HSBP1: variants seen among roughly 807,000 people sequenced by gnomAD.
HSBP1 encodes heat shock factor binding protein 1, also known as heat shock factor-binding protein 1.
In HSBP1, 5 loss-of-function variants were observed where a neutral mutation model predicts 9.6. The observed-to-expected ratio is 0.52, with a 90% CI of 0.27 to 1.09. The LOEUF (loss-of-function observed/expected upper bound fraction) is 1.09, where lower values mean the gene tolerates loss of function less well. Ranked by LOEUF, HSBP1 falls within the 50% of genes least tolerant of loss-of-function variation. The pLI, the probability that HSBP1 is intolerant of heterozygous loss-of-function variation, is 0.11. For synonymous variants in HSBP1, 42 were observed against 33.3 expected, an observed-to-expected ratio of 1.26 and a Z score of -0.90; for missense variants, 121 against 96.3, an observed-to-expected ratio of 1.26 and a Z score of -1.07.
chr16:83,808,209 G>T, intron 1 of HSBP1, 88 bp downstream of exon 1: 1 of 1,136,282 alleles, frequency 8.8e-7, no homozygotes, highest in Non-Finnish European at 1.2e-6. Context: ...GCCCACCGCG[G>T]CCGCGCGTGG....
At position 83,811,739 on chromosome 16, in the gene HSBP1, C is replaced by T. The variant is rs1315741948; in HGVS notation, c.*321C>T. The T allele has an allele frequency of 6.6e-6, 1 of 152,070 alleles. No homozygotes were observed. Among genetic ancestry groups the T allele is most frequent in the Non-Finnish European group, 1.5e-5 (1 of 68,026 alleles). 9.4% of individuals were successfully genotyped at this position (152,070 alleles called of 1,614,324 possible). The stretch of plus-strand genomic sequence containing the variant: ...CTTGTCATTCCTTTTGTAGTAGTTG[C>T]TGTTTGGATAAAAGTTGATGTGTGA... On this transcript the variant is annotated 3_prime_UTR_variant, in exon 4 of 4. Coordinates refer to ENST00000433866, the MANE Select transcript of HSBP1 (RefSeq NM_001537.4).
chr16:83,811,713 T>C lies in HSBP1; in HGVS notation c.*295T>C, dbSNP rs956200558. ...TGTATTTCTGTGAAGTCATTTTTTT[T>C]CTTGTCATTCCTTTTGTAGTAGTTG... On this transcript the variant is annotated 3_prime_UTR_variant, in exon 4 of 4. Transcript: ENST00000433866. 2 of 152,242 alleles carry C rather than the reference T, an allele frequency of 1.3e-5. No homozygotes were observed. The highest frequency in any genetic ancestry group is 2.4e-5 in the African/African-American group (1 of 41,468). The allele number at this position is 152,242 out of a possible 1,614,324, so 9.4% of individuals were successfully genotyped here. A position where few individuals can be genotyped will look rare whatever the true frequency, so the allele number is the denominator to read the frequency against.
Position 83,814,617 on chromosome 16 carries a change from A to G in HSBP1, c.*3199A>G, listed in dbSNP as rs1338638114. 1 of 152,244 alleles carries G rather than the reference A, an allele frequency of 6.6e-6. No individual in the cohort carries two copies. The highest frequency in any genetic ancestry group is 1.5e-5 in the Non-Finnish European group (1 of 68,054). 9.4% of individuals were successfully genotyped at this position (152,244 alleles called of 1,614,324 possible). ...AGGCTGTCTGGAAATCATCAGCCCCACTGGCTGGATCTCAAAATTTACTTT... is the reference window on the plus strand; with the variant it reads ...AGGCTGTCTGGAAATCATCAGCCCCGCTGGCTGGATCTCAAAATTTACTTT... On this transcript the variant is annotated 3_prime_UTR_variant, in exon 4 of 4. Transcript: ENST00000433866.
At chr16:83,809,744 A>G (rs1256992007) in intron 3 of HSBP1, among the ~76,000 whole-genome samples, 1 of 151,684 alleles carries the variant, frequency 6.6e-6, no homozygotes, top group Non-Finnish European at 1.5e-5. Context: ...CTGGGATTAC[A>G]GGTGTGAGCC....
rs772269557 is a variant in HSBP1 at position 83,808,030 on chromosome 16, T to C, written c.-47T>C. ...GGGCGACTGAGCGGACAAACGGAAGTGTAGGTTACGGTCTGAGACATCACC... is the reference window on the plus strand; with the variant it reads ...GGGCGACTGAGCGGACAAACGGAAGCGTAGGTTACGGTCTGAGACATCACC... On this transcript the variant is annotated 5_prime_UTR_variant, in exon 1 of 4. Transcript: ENST00000433866. The C allele has an allele frequency of 6.7e-7, 1 of 1,482,576 alleles. No homozygotes were observed. Among genetic ancestry groups the C allele is most frequent in the South Asian group, 1.3e-5 (1 of 78,394 alleles). The allele number at this position is 1,482,576 out of a possible 1,614,324, so 91.8% of individuals were successfully genotyped here.
chr16:83,810,598 G>A (rs1904579491), intron 3 of HSBP1, among the ~76,000 whole-genome samples: 2 of 147,744 alleles, frequency 1.4e-5, no homozygotes, highest in South Asian at 4.3e-4. Context: ...GGGAGGCAAA[G>A]GCAGGCAGAG....
intron 1 of HSBP1, 42 bp from the exon 2 acceptor site, chr16:83,808,638 G>C: frequency 6.5e-7 from 1 of 1,535,676 alleles, no homozygotes; most frequent in South Asian, 1.1e-5. Context: ...AGTTGTCTCA[G>C]GATCGATGTG....
At chr16:83,810,953 G>C (rs1285195929) in intron 3 of HSBP1, among the ~76,000 whole-genome samples, 1 of 152,220 alleles carries the variant, frequency 6.6e-6, no homozygotes, top group Non-Finnish European at 1.5e-5. Flanking sequence ...GATTTGGGAT[G>C]TTGAAGACAG....
chr16:83,808,388 C>A (rs776784072), intron 1 of HSBP1: 27 of 556,182 alleles, frequency 4.9e-5, no homozygotes, highest in Non-Finnish European at 8.5e-5. Context: ...CTCCCGCCTA[C>A]CTCTGACACC....
intron 3 of HSBP1, among the ~76,000 whole-genome samples, chr16:83,811,204 A>C (rs981624577): frequency 5.9e-5 from 9 of 152,230 alleles, no homozygotes; most frequent in African/African-American, 1.9e-4. Context: ...CTGGCTAGTG[A>C]TGGGGGTCAT....
In HSBP1 at chr16:83,812,247, A is replaced by G. The variant is rs1467825292; in HGVS notation, c.*829A>G. The G allele has an allele frequency of 1.7e-4, 26 of 152,660 alleles. No homozygotes were observed. Among genetic ancestry groups the G allele is most frequent in the Admixed American group, 1.7e-3 (26 of 15,284 alleles). The allele number at this position is 152,660 out of a possible 1,614,324, so 9.5% of individuals were successfully genotyped here. A position where few individuals can be genotyped will look rare whatever the true frequency, so the allele number is the denominator to read the frequency against. On this transcript the variant is annotated 3_prime_UTR_variant, in exon 4 of 4. Coordinates refer to ENST00000433866, the MANE Select transcript of HSBP1 (RefSeq NM_001537.4). The stretch of plus-strand genomic sequence containing the variant: ...CTTTGAGCTAGTGACTTGAAAAGAA[A>G]GAGAGAAGGAAAAGAGACCATATTA...
At chr16:83,808,161 C>G (rs749794680) in intron 1 of HSBP1, 40 bp downstream of exon 1, 5 of 1,514,800 alleles carry the variant, frequency 3.3e-6, no homozygotes, top group Non-Finnish European at 4.5e-6. Flanking sequence ...GCGGCCTTCC[C>G]GGGCGGCGCC....
At chr16:83,811,187 TG>T (rs1179311974) in intron 3 of HSBP1, among the ~76,000 whole-genome samples, 1 of 152,236 alleles carries the variant, frequency 6.6e-6, no homozygotes, top group Non-Finnish European at 1.5e-5. Flanking sequence ...AATTTCAGGA[TG>T]GTAGACTGGC....
rs766129130 is a variant in HSBP1 at position 83,808,062 on chromosome 16, C to G, written c.-15C>G. The G allele has an allele frequency of 1.6e-5, 25 of 1,542,072 alleles. No individual in the cohort carries two copies. In the Admixed American group the frequency reaches 4.2e-4, roughly 26 times the overall value. On this transcript the variant is annotated 5_prime_UTR_variant, in exon 1 of 4. Coordinates refer to ENST00000433866, the MANE Select transcript of HSBP1 (RefSeq NM_001537.4). ...TACGGTCTGAGACATCACCGCCAAG[C>G]TGGGCATCGGGGAGATGGCCGAGAC...
In HSBP1 at chr16:83,814,301, A is replaced by G. The variant is rs1904669477; in HGVS notation, c.*2883A>G. The G allele has an allele frequency of 6.6e-6, 1 of 152,228 alleles. No individual in the cohort carries two copies. The highest frequency in any genetic ancestry group is 2.4e-5 in the African/African-American group (1 of 41,436). 9.4% of individuals were successfully genotyped at this position (152,228 alleles called of 1,614,324 possible). On this transcript the variant is annotated 3_prime_UTR_variant, in exon 4 of 4. Transcript: ENST00000433866. ...GCCTTTTGTTTGCACTGTTTGGCTT[A>G]ATCCTCACAACAACACTGAGAGGTT...
chr16:83,812,056 CAG>C lies in HSBP1; in HGVS notation c.*640_*641del, dbSNP rs1160135586. 6.6e-6 allele frequency: 1 copy of C among 152,634 alleles called. No individual in the cohort carries two copies. Among genetic ancestry groups the C allele is most frequent in the Non-Finnish European group, 1.5e-5 (1 of 68,042 alleles). The allele number at this position is 152,634 out of a possible 1,614,324, so 9.5% of individuals were successfully genotyped here. On this transcript the variant is annotated 3_prime_UTR_variant, in exon 4 of 4. Transcript: ENST00000433866. ...AGTAACCACTGCCACTGTCTTGTGTCAGAACTTTTACAGTACAGAAAATAACA... is the reference window on the plus strand; with the variant it reads ...AGTAACCACTGCCACTGTCTTGTGTCAACTTTTACAGTACAGAAAATAACA...
chr16:83,813,359 A>C lies in HSBP1; in HGVS notation c.*1941A>C, dbSNP rs983028041. ...CAGAGAACTCAGCTTTAACCTGCTC[A>C]CCTGCTAGTTTTCGAGGTCTCGCTC... On this transcript the variant is annotated 3_prime_UTR_variant, in exon 4 of 4. Coordinates refer to ENST00000433866, the MANE Select transcript of HSBP1 (RefSeq NM_001537.4). 1 of 152,500 alleles carries C rather than the reference A, an allele frequency of 6.6e-6. No homozygotes were observed. The highest frequency in any genetic ancestry group is 2.4e-5 in the African/African-American group (1 of 41,462). The allele number at this position is 152,500 out of a possible 1,614,324, so 9.4% of individuals were successfully genotyped here.
rs76760581 is a variant in HSBP1 at position 83,813,498 on chromosome 16, G to C, written c.*2080G>C. The C allele has an allele frequency of 6.6e-6, 1 of 152,426 alleles. No homozygotes were observed. Among genetic ancestry groups the C allele is most frequent in the Non-Finnish European group, 1.5e-5 (1 of 68,360 alleles). 9.4% of individuals were successfully genotyped at this position (152,426 alleles called of 1,614,324 possible). On this transcript the variant is annotated 3_prime_UTR_variant, in exon 4 of 4. Transcript: ENST00000433866. ...CCCAAGTAGCTAATATTACAGGTTCGTGCCACCGCACCTGGGTCTTGCTGT... is the reference window on the plus strand; with the variant it reads ...CCCAAGTAGCTAATATTACAGGTTCCTGCCACCGCACCTGGGTCTTGCTGT...
Sources: gnomAD v4.1 joint callset for allele counts (sites outside exome capture counted in the v4.1 genomes callset) on GRCh38, gnomAD v4.1.1 for gene constraint, MANE v1.5 for transcripts, NCBI Gene and HGNC (gene_info 2026-07-23, HGNC 2026-07-21) for gene names.